UGT1A9: variants seen among roughly 807,000 people sequenced by gnomAD.
UGT1A9 encodes UDP glucuronosyltransferase family 1 member A9, also known as UDP-glucuronosyltransferase 1A9.
Under a neutral mutation model 45.0 loss-of-function variants are expected in UGT1A9, and 35 were observed. The observed-to-expected ratio is 0.78, with a 90% confidence interval of 0.59 to 1.03. UGT1A9 has a LOEUF of 1.03. Ranked by LOEUF, UGT1A9 falls within the 50% of genes least tolerant of loss-of-function variation. The pLI is 0.00. For missense variants in UGT1A9, 687 were observed against 666.6 expected, an observed-to-expected ratio of 1.03 and a Z score of -0.34; for synonymous variants, 278 against 250.6, an observed-to-expected ratio of 1.11 and a Z score of -1.03.
At position 233,763,858 on chromosome 2, in the gene UGT1A9, C is replaced by T. The variant is rs577598991; in HGVS notation, c.856-3176C>T. ...GGGTAAGATAGCAGTGGTTCACAGA[C>T]AATCGCAATGCTGGGTCTGAGAAAA... On this transcript the variant is annotated intron_variant, in intron 1 of 4. Transcript: ENST00000354728. 5.1e-4 allele frequency among the ~76,000 whole-genome samples: 77 copies of T among 152,246 alleles called. 2 individuals carry two copies. The South Asian group carries it at 0.016, about 31-fold the overall frequency.
At chr2:233,746,577 T>C (rs1395681338) in intron 1 of UGT1A9, among the ~76,000 whole-genome samples, 4 of 151,762 alleles carry the variant, frequency 2.6e-5, no homozygotes, top group Non-Finnish European at 4.4e-5. Context: ...CACCCTGTAA[T>C]TGCCTAGTTG....
rs944669670 is a variant in UGT1A9 at position 233,769,377 on chromosome 2, C to T, written c.1295+938C>T. Reference sequence around the variant, plus strand: ...GTGGTGGCCAGTGGTAGATTTCATCCGACAATAGATACTGTGTGCATATGT... The same window carrying T: ...GTGGTGGCCAGTGGTAGATTTCATCTGACAATAGATACTGTGTGCATATGT... On this transcript the variant is annotated intron_variant, in intron 4 of 4. Transcript: ENST00000354728. The surrounding 1 kb of genome is among the most constrained non-coding windows in gnomAD (Gnocchi z 4.4). 6.6e-5 allele frequency among the ~76,000 whole-genome samples: 10 copies of T among 152,088 alleles called. No individual in the cohort carries two copies. The highest frequency in any genetic ancestry group is 1.0e-4 in the Non-Finnish European group (7 of 68,014).
intron 1 of UGT1A9, among the ~76,000 whole-genome samples, chr2:233,738,578 G>A (rs893369002): frequency 6.6e-6 from 1 of 152,224 alleles, no homozygotes; most frequent in African/African-American, 2.4e-5. Context: ...GAGAACTGGA[G>A]CAAAGGTCAC....
At chr2:233,709,237 G>A (rs1333156053) in intron 1 of UGT1A9, among the ~76,000 whole-genome samples, 2 of 152,106 alleles carry the variant, frequency 1.3e-5, no homozygotes, top group African/African-American at 2.4e-5. Context: ...AGGGGTGGCC[G>A]CTGGGATGAG....
chr2:233,713,732 T>C, intron 1 of UGT1A9: 1 of 1,613,896 alleles, frequency 6.2e-7, no homozygotes, highest in South Asian at 1.1e-5. Flanking sequence ...CAGTGGTGGA[T>C]CTTGTCAGCC....
rs750440547 is a variant in UGT1A9, at chr2:233,743,766, C to T, written c.856-23268C>T. 28 of 1,367,250 alleles carry T rather than the reference C, an allele frequency of 2.0e-5. No homozygotes were observed. In the South Asian group the frequency reaches 2.2e-4, roughly 11 times the overall value. The allele number at this position is 1,367,250 out of a possible 1,614,324, so 84.7% of individuals were successfully genotyped here. Reference sequence around the variant, plus strand: ...GCGTCCGACAACACCTCGTAGGCCTCGGCCACCTGCTTGAATCTCCTCTCC... The same window carrying T: ...GCGTCCGACAACACCTCGTAGGCCTTGGCCACCTGCTTGAATCTCCTCTCC... On this transcript the variant is annotated intron_variant, in intron 1 of 4. Coordinates refer to ENST00000354728, the MANE Select transcript of UGT1A9 (RefSeq NM_021027.3).
In UGT1A9 at chr2:233,746,570, C is replaced by T. The variant is rs537470722; in HGVS notation, c.856-20464C>T. Among the ~76,000 whole-genome samples the T allele has an allele frequency of 1.8e-3, 270 of 151,834 alleles. 4 individuals are homozygous for T. The highest frequency in any genetic ancestry group is 3.0e-3 in the Non-Finnish European group (201 of 68,008). ...CTTCTTAGCCCCTAGAGCACCACACCCTGTAATTGCCTAGTTGTGAGTTTG... is the reference window on the plus strand; with the variant it reads ...CTTCTTAGCCCCTAGAGCACCACACTCTGTAATTGCCTAGTTGTGAGTTTG... On this transcript the variant is annotated intron_variant, in intron 1 of 4. Coordinates refer to ENST00000354728, the MANE Select transcript of UGT1A9 (RefSeq NM_021027.3).
intron 1 of UGT1A9, chr2:233,743,102 G>A: frequency 5.7e-6 from 2 of 353,898 alleles, no homozygotes; most frequent in Non-Finnish European, 1.1e-5. Flanking sequence ...CTTGGGTACA[G>A]CTGTTCTGAA....
At chr2:233,705,132 G>A (rs1332682546) in intron 1 of UGT1A9, among the ~76,000 whole-genome samples, 13 of 103,146 alleles carry the variant, frequency 1.3e-4, no homozygotes, top group Non-Finnish European at 2.0e-4. Flanking sequence ...GCGAGACTTC[G>A]TCTGAAAAAA....
chr2:233,757,439 A>G (rs942606489), intron 1 of UGT1A9, among the ~76,000 whole-genome samples: 6 of 151,228 alleles, frequency 4.0e-5, no homozygotes, highest in African/African-American at 1.5e-4. Flanking sequence ...AGTCACTTCT[A>G]TACAGAAACA....
At chr2:233,690,557 C>T (rs990506921) in intron 1 of UGT1A9, 2 of 1,289,654 alleles carry the variant, frequency 1.6e-6, no homozygotes, top group Non-Finnish European at 2.0e-6. Context: ...ATGTCCCAAG[C>T]CTGAGTCATT....
intron 1 of UGT1A9, chr2:233,693,465 C>T (rs139410055): frequency 3.7e-6 from 6 of 1,614,070 alleles, no homozygotes; most frequent in Non-Finnish European, 5.1e-6. Context: ...CCAGCCTTAC[C>T]CTGTGGGGTG....
chr2:233,675,475 T>A (rs924736975), intron 1 of UGT1A9, among the ~76,000 whole-genome samples: 1 of 152,150 alleles, frequency 6.6e-6, no homozygotes, highest in African/African-American at 2.4e-5. Flanking sequence ...CCATGGCAGG[T>A]GCGGCTCTGG....
chr2:233,717,701 A>G (rs1201448536), intron 1 of UGT1A9: 4 of 447,022 alleles, frequency 8.9e-6, no homozygotes, highest in Non-Finnish European at 1.8e-5. Context: ...TTTCTGGAGC[A>G]GGACGAGCCT....
intron 1 of UGT1A9, among the ~76,000 whole-genome samples, chr2:233,710,986 G>T (rs2076156562): frequency 6.6e-6 from 1 of 152,224 alleles, no homozygotes; most frequent in Non-Finnish European, 1.5e-5. Flanking sequence ...CAATCATTCA[G>T]ATCAGGCTAT....
At position 233,758,850 on chromosome 2, in the gene UGT1A9, C is replaced by A. The variant is rs141810687; in HGVS notation, c.856-8184C>A. ...CAAAAAGAGTGTAATACTTCCAATT[C>A]TGGCTGCACAATACTTGCCCCATAG... On this transcript the variant is annotated intron_variant, in intron 1 of 4. Transcript: ENST00000354728. Among the ~76,000 whole-genome samples the A allele has an allele frequency of 4.5e-3, 678 of 152,282 alleles. 10 individuals are homozygous for A. The highest frequency in any genetic ancestry group is 0.015 in the African/African-American group (640 of 41,546).
chr2:233,713,130 GC>G (rs768171102), intron 1 of UGT1A9: 197 of 1,614,124 alleles, frequency 1.2e-4, no homozygotes, highest in Non-Finnish European at 1.5e-4. Flanking sequence ...CATGCGGGAG[GC>G]CTTGCGGGAC....
chr2:233,680,823 T>C (rs1329053042), intron 1 of UGT1A9, among the ~76,000 whole-genome samples: 2 of 152,102 alleles, frequency 1.3e-5, no homozygotes, highest in African/African-American at 4.8e-5. Flanking sequence ...CTGTTCAGAA[T>C]GCAGAAGCAG....
chr2:233,743,981 G>C (rs1692624812), intron 1 of UGT1A9: 1 of 1,297,770 alleles, frequency 7.7e-7, no homozygotes, highest in African/African-American at 1.5e-5. Context: ...CAGCACCCAG[G>C]CGCAGGCCCG....
Sources: allele counts gnomAD v4.1 joint callset (sites outside exome capture counted in the v4.1 genomes callset), GRCh38; gene constraint gnomAD v4.1.1; non-coding constraint Gnocchi (gnomAD v3.1); transcripts MANE v1.5; gene names NCBI Gene and HGNC (gene_info 2026-07-23, HGNC 2026-07-21).